Variants in FAM135A observed in about 807,000 individuals in gnomAD.
FAM135A encodes the protein family with sequence similarity 135 member A.
Under a neutral mutation model 146.8 loss-of-function variants are expected in FAM135A, and 79 were observed. That is an observed-to-expected ratio of 0.54 (90% CI 0.45 to 0.65). The LOEUF (loss-of-function observed/expected upper bound fraction) is 0.65. FAM135A is among the 30% of genes least tolerant of loss of function. The pLI, the probability that FAM135A is intolerant of heterozygous loss-of-function variation, is 0.00. For synonymous variants in FAM135A, 562 were observed against 603.6 expected (o/e 0.93, Z 1.01); for missense variants, 1,623 against 1,758.2 (o/e 0.92, Z 1.38).
At chr6:70,470,907 A>G (rs140942309) in intron 5 of FAM135A, among the ~76,000 whole-genome samples, 182 of 152,362 alleles carry the variant, frequency 1.2e-3, no homozygotes, top group Non-Finnish European at 2.0e-3. Flanking sequence ...AGTAGAGCTT[A>G]TAGAACTTCT....
intron 2 of FAM135A, among the ~76,000 whole-genome samples, chr6:70,417,323 T>C (rs1767784302): frequency 6.6e-6 from 1 of 151,724 alleles, no homozygotes; most frequent in South Asian, 2.1e-4. Context: ...AAGCGATTCA[T>C]GTGCCTCAGC....
chr6:70,499,564 T>A (rs1435865975), intron 11 of FAM135A, among the ~76,000 whole-genome samples: 1 of 152,232 alleles, frequency 6.6e-6, no homozygotes, highest in Non-Finnish European at 1.5e-5. Context: ...CAATGCTGTT[T>A]CTTCATAGTG....
At chr6:70,523,865 A>T in intron 13 of FAM135A, 102 bp from the exon 14 acceptor site, 1 of 1,147,354 alleles carries the variant, frequency 8.7e-7, no homozygotes, top group Non-Finnish European at 1.2e-6. Flanking sequence ...CTTGCAGATG[A>T]GGGATAGGAA....
rs1554160493 is a variant in FAM135A at position 70,525,955 on chromosome 6, T to A, written c.2871T>A (p.Ser957=). ...MCKGFQSPDK[S]NNSTGTAITL... The stretch of plus-strand genomic sequence containing the variant: ...AAGGCTTCCAGAGTCCTGATAAATC[T>A]AATAACTCTACAGGGACAGCAATTA... The change falls in exon 15 of 22, where the codon TCT becomes TCA. Residue 957 remains serine (S), a synonymous_variant. Transcript: ENST00000418814. The A allele has an allele frequency of 5.0e-6, 8 of 1,613,456 alleles. No individual in the cohort carries two copies. Among genetic ancestry groups the A allele is most frequent in the Non-Finnish European group, 6.8e-6 (8 of 1,179,648 alleles).
chr6:70,498,679 T>G (rs1196143754), intron 11 of FAM135A, among the ~76,000 whole-genome samples: 2 of 152,224 alleles, frequency 1.3e-5, no homozygotes, highest in Non-Finnish European at 1.5e-5. Context: ...CATTGTCTCT[T>G]TGTTCTCATT....
rs548500831 is a variant in FAM135A at position 70,502,318 on chromosome 6, G to C, written c.874-318G>C. 4.6e-5 allele frequency among the ~76,000 whole-genome samples: 7 copies of C among 152,216 alleles called. No individual in the cohort carries two copies. The East Asian group carries it at 1.3e-3, about 29-fold the overall frequency. ...CTGTGTTTAAAATTCCCAGTATTTT[G>C]GTGTTAGAAGCTGATCATTCTCTAT... On this transcript the variant is annotated intron_variant, in intron 11 of 21. Coordinates refer to ENST00000418814, the MANE Select transcript of FAM135A (RefSeq NM_001162529.3).
At chr6:70,513,094 G>A (rs1361391223) in intron 12 of FAM135A, among the ~76,000 whole-genome samples, 1 of 151,624 alleles carries the variant, frequency 6.6e-6, no homozygotes, top group Non-Finnish European at 1.5e-5. Flanking sequence ...ATAAGCATGA[G>A]TCTATTTCTT....
chr6:70,418,266 A>G (rs1767981069), intron 2 of FAM135A: 2 of 152,328 alleles, frequency 1.3e-5, no homozygotes, highest in South Asian at 2.1e-4. Context: ...GTCATGAGTG[A>G]TGATGATCTA....
At chr6:70,527,163 A>G (rs372698422) in intron 15 of FAM135A, among the ~76,000 whole-genome samples, 1 of 152,084 alleles carries the variant, frequency 6.6e-6, no homozygotes. Context: ...GTAACAGGGT[A>G]GTGGAAACTT....
intron 20 of FAM135A, among the ~76,000 whole-genome samples, chr6:70,543,672 C>T (rs1377685706): frequency 2.0e-5 from 3 of 152,162 alleles, no homozygotes; most frequent in African/African-American, 7.2e-5. Flanking sequence ...CTATGGAGTT[C>T]ATACCCTTTG....
In FAM135A at chr6:70,526,342, G is replaced by A. The variant is rs763450963; in HGVS notation, c.3258G>A (p.Glu1086=). The A allele has an allele frequency of 1.9e-6, 3 of 1,613,368 alleles. No individual in the cohort carries two copies. Among genetic ancestry groups the A allele is most frequent in the Admixed American group, 1.7e-5 (1 of 59,956 alleles). Residue 1086 remains glutamate (E), a synonymous_variant, in exon 15 of 22, where the codon GAG becomes GAA. Transcript: ENST00000418814. ...AGCAGGAACAGGATAAAGAGGATGA[G>A]GAGGAAGAGCAGGATCAACAAATGG... is the stretch of plus-strand genomic sequence containing the variant. ...NLQQEQDKED[E]EEEQDQQMVQ...
intron 5 of FAM135A, among the ~76,000 whole-genome samples, chr6:70,463,551 C>T (rs1779829278): frequency 6.6e-6 from 1 of 152,134 alleles, no homozygotes. Flanking sequence ...TGAGCCACCA[C>T]TCCTGGCCCA....
intron 1 of FAM135A, among the ~76,000 whole-genome samples, chr6:70,414,397 C>T (rs896275499): frequency 1.1e-4 from 16 of 152,110 alleles, no homozygotes; most frequent in African/African-American, 3.9e-4. Context: ...CCTTCTCTTT[C>T]CTCTGGTACC....
At position 70,515,744 on chromosome 6, in the gene FAM135A, A is replaced by C. The variant is rs927613648; in HGVS notation, c.1030-6769A>C. Reference sequence around the variant, plus strand: ...CCACACCAAGAGTGAACCTTAATGTAAATAATGGACTTTAATATTGATATA... The same window carrying C: ...CCACACCAAGAGTGAACCTTAATGTCAATAATGGACTTTAATATTGATATA... On this transcript the variant is annotated intron_variant, in intron 12 of 21. Transcript: ENST00000418814. Among the ~76,000 whole-genome samples the C allele has an allele frequency of 4.6e-5, 7 of 152,124 alleles. No homozygotes were observed. The South Asian group carries it at 1.5e-3, about 32-fold the overall frequency.
chr6:70,559,447 T>C (rs369492771), intron 21 of FAM135A, among the ~76,000 whole-genome samples: 1 of 118,902 alleles, frequency 8.4e-6, no homozygotes, highest in African/African-American at 3.1e-5. Context: ...ATCTCAAAAA[T>C]AAAAAAAAAA....
chr6:70,540,965 A>G (rs1179873666), intron 20 of FAM135A, among the ~76,000 whole-genome samples: 2 of 152,144 alleles, frequency 1.3e-5, no homozygotes, highest in African/African-American at 2.4e-5. Context: ...TCTCACAGTT[A>G]GCTTTGCTTT....
At chr6:70,477,684 CT>C (rs1399699278) in intron 8 of FAM135A, among the ~76,000 whole-genome samples, 5 of 152,152 alleles carry the variant, frequency 3.3e-5, no homozygotes, top group African/African-American at 9.7e-5. Flanking sequence ...ATCTGTCCCC[CT>C]GATCTAATCA....
chr6:70,482,353 A>T (rs1325888785), intron 10 of FAM135A, among the ~76,000 whole-genome samples, 199 bp downstream of exon 10: 1 of 151,928 alleles, frequency 6.6e-6, no homozygotes, highest in Non-Finnish European at 1.5e-5. Context: ...ATACTAAAAA[A>T]TAACTTCTTG....
chr6:70,520,924 A>G (rs1034204718), intron 12 of FAM135A, among the ~76,000 whole-genome samples: 3 of 152,254 alleles, frequency 2.0e-5, no homozygotes, highest in Non-Finnish European at 2.9e-5. Context: ...GTCTTAATGC[A>G]GAAAGGAAAA....
Sources: allele counts gnomAD v4.1 joint callset (sites outside exome capture counted in the v4.1 genomes callset), GRCh38; gene constraint gnomAD v4.1.1; transcripts MANE v1.5; gene names NCBI Gene and HGNC (gene_info 2026-07-23, HGNC 2026-07-21).